Variants in ADAMTS6 observed in about 807,000 individuals in gnomAD.
ADAMTS6 encodes A disintegrin and metalloproteinase with thrombospondin motifs 6.
A neutral mutation model predicts 144.3 loss-of-function variants in ADAMTS6; 23 were observed. The observed-to-expected ratio is 0.16, with a 90% CI of 0.11 to 0.23. ADAMTS6 has a LOEUF of 0.23. Among genes scored for constraint, ADAMTS6 ranks in the 10% least tolerant of loss-of-function variants. The pLI is 1.00. For synonymous variants in ADAMTS6, 444 were observed against 457.5 expected, an observed-to-expected ratio of 0.97 and a Z score of 0.38; for missense variants, 999 against 1,379.6, an observed-to-expected ratio of 0.72 and a Z score of 4.37.
chr5:65,320,994 A>G (rs1580386179), intron 9 of ADAMTS6, among the ~76,000 whole-genome samples: 1 of 152,124 alleles, frequency 6.6e-6, no homozygotes, highest in Non-Finnish European at 1.5e-5. Flanking sequence ...TATTGTGCAT[A>G]GGGCTGCAAT....
intron 7 of ADAMTS6, among the ~76,000 whole-genome samples, chr5:65,437,836 C>T (rs1757560949): frequency 6.6e-6 from 1 of 151,854 alleles, no homozygotes; most frequent in African/African-American, 2.4e-5. Context: ...CGGGTTTTTC[C>T]ATGGAATATT....
chr5:65,290,138 C>T (rs933440396), intron 11 of ADAMTS6, among the ~76,000 whole-genome samples: 2 of 152,118 alleles, frequency 1.3e-5, no homozygotes, highest in Admixed American at 1.3e-4. Context: ...TTTAAGAAAA[C>T]ACTTCCTTTT....
At chr5:65,255,576 A>G (rs190170782) in intron 14 of ADAMTS6, among the ~76,000 whole-genome samples, 201 of 152,334 alleles carry the variant, frequency 1.3e-3, no homozygotes, top group Middle Eastern at 3.4e-3. Context: ...AATACTTCAG[A>G]AACAACACTG....
intron 20 of ADAMTS6, chr5:65,198,706 C>T (rs1286904152): frequency 1.2e-5 from 2 of 166,746 alleles, no homozygotes; most frequent in Non-Finnish European, 2.9e-5. Flanking sequence ...TTTATGTTTT[C>T]CTAAACTTAG....
intron 7 of ADAMTS6, among the ~76,000 whole-genome samples, chr5:65,441,261 A>G (rs1229270961): frequency 6.6e-6 from 1 of 152,212 alleles, no homozygotes; most frequent in Non-Finnish European, 1.5e-5. Flanking sequence ...CCTTGAAGAC[A>G]TAGCAATAGA....
intron 15 of ADAMTS6, among the ~76,000 whole-genome samples, chr5:65,227,775 T>G: frequency 6.6e-6 from 1 of 152,182 alleles, no homozygotes; most frequent in East Asian, 1.9e-4. Context: ...CAAGAGAAGA[T>G]GAAAACTTAA....
At chr5:65,177,716 G>T (rs1754066358) in intron 22 of ADAMTS6, among the ~76,000 whole-genome samples, 1 of 152,202 alleles carries the variant, frequency 6.6e-6, no homozygotes, top group Admixed American at 6.5e-5. Flanking sequence ...ATTAAAACAG[G>T]ATACCAAGAT....
In ADAMTS6 at chr5:65,273,447, C is replaced by T. The variant is rs865937965; in HGVS notation, c.1513G>A (p.Glu505Lys). ...GATSRQCKYG[E>K]VCRELWCLSK... ...AGACACCAGAGCTCTCTACACACTT[C>T]CTAGGAAAGAAGGCAAAAGCAAGTT... Residue 505 changes from glutamate to lysine, a missense_variant and splice_region_variant, in exon 12 of 25, where the codon GAA (glutamate) becomes AAA (lysine). Transcript: ENST00000381055. 6.2e-7 allele frequency: 1 copy of T among 1,611,872 alleles called. No homozygotes were observed. The highest frequency in any genetic ancestry group is 8.5e-7 in the Non-Finnish European group (1 of 1,178,278).
intron 9 of ADAMTS6, among the ~76,000 whole-genome samples, chr5:65,327,524 C>T (rs756990756): frequency 6.6e-6 from 1 of 151,644 alleles, no homozygotes; most frequent in Non-Finnish European, 1.5e-5. Flanking sequence ...ATTTTTAACA[C>T]TCATACTTTC....
At position 65,376,685 on chromosome 5, in the gene ADAMTS6, G is replaced by T. The variant is rs570296621; in HGVS notation, c.1074-42600C>A. On this transcript the variant is annotated intron_variant, in intron 7 of 24. Coordinates refer to ENST00000381055, the MANE Select transcript of ADAMTS6 (RefSeq NM_197941.4). ...ATCTCCACAAAAAATACAAAAATTA[G>T]CCAGGCATGGTGACATGTACATGTG... 2.0e-5 allele frequency among the ~76,000 whole-genome samples: 3 copies of T among 151,974 alleles called. No homozygotes were observed. In the South Asian group the frequency reaches 6.2e-4, roughly 32 times the overall value.
chr5:65,443,622 CAAAAAAAAAAAAA>C (rs59240974), intron 7 of ADAMTS6, among the ~76,000 whole-genome samples: 6 of 69,122 alleles, frequency 8.7e-5, no homozygotes, highest in Admixed American at 5.5e-4. Context: ...GACCCTGTCT[CAAAAAAAAAAAAA>C]AAAAAAAAAA....
intron 4 of ADAMTS6, among the ~76,000 whole-genome samples, chr5:65,454,648 A>G (rs1355867154): frequency 6.6e-6 from 1 of 152,230 alleles, no homozygotes; most frequent in Admixed American, 6.5e-5. Flanking sequence ...ATATTAGTAC[A>G]TGATTATGTT....
intron 7 of ADAMTS6, among the ~76,000 whole-genome samples, chr5:65,408,823 C>T (rs1405587048): frequency 6.6e-6 from 1 of 152,118 alleles, no homozygotes; most frequent in Non-Finnish European, 1.5e-5. Context: ...TGCAATCAAA[C>T]TAGAACTCAG....
chr5:65,353,640 TACTC>T (rs1484579781), intron 7 of ADAMTS6, among the ~76,000 whole-genome samples: 1 of 151,990 alleles, frequency 6.6e-6, no homozygotes, highest in Non-Finnish European at 1.5e-5. Flanking sequence ...ACTGTGATGT[TACTC>T]ACAAATTCTA....
chr5:65,459,330 C>G (rs570966251), intron 4 of ADAMTS6, among the ~76,000 whole-genome samples: 1 of 152,274 alleles, frequency 6.6e-6, no homozygotes, highest in South Asian at 2.1e-4. Flanking sequence ...TAAATCCTTT[C>G]AGTGGGTTTC....
Position 65,415,492 on chromosome 5 carries a change from C to T in ADAMTS6, c.1073+35983G>A, listed in dbSNP as rs1250944038. The T allele has an allele frequency of 7.9e-5, 18 of 229,074 alleles. No individual in the cohort carries two copies. In the East Asian group the frequency reaches 2.6e-3, roughly 33 times the overall value. The allele number at this position is 229,074 out of a possible 1,614,324, so 14.2% of individuals were successfully genotyped here. A position where few individuals can be genotyped will look rare whatever the true frequency, so the allele number is the denominator to read the frequency against. Reference sequence around the variant, plus strand: ...CAGGGCCAGGGCTGAAGCCACGGAGCTCACAGAGGCAAGGCCTTGGACTAG... The same window carrying T: ...CAGGGCCAGGGCTGAAGCCACGGAGTTCACAGAGGCAAGGCCTTGGACTAG... On this transcript the variant is annotated intron_variant, in intron 7 of 24. Coordinates refer to ENST00000381055, the MANE Select transcript of ADAMTS6 (RefSeq NM_197941.4).
chr5:65,252,460 C>T (rs1361658229), intron 14 of ADAMTS6, among the ~76,000 whole-genome samples: 1 of 151,848 alleles, frequency 6.6e-6, no homozygotes, highest in Non-Finnish European at 1.5e-5. Context: ...CCAGGCTGGT[C>T]TTGAACTCCT....
At position 65,242,151 on chromosome 5, in the gene ADAMTS6, T is replaced by C. The variant is rs755432860; in HGVS notation, c.1886A>G (p.Asn629Ser). 2 of 1,604,308 alleles carry C rather than the reference T, an allele frequency of 1.2e-6. No homozygotes were observed. The highest frequency in any genetic ancestry group is 2.2e-5 in the East Asian group (1 of 44,708). The stretch of plus-strand genomic sequence containing the variant: ...ATAATACTTTCCTCGGAAAGGCATA[T>C]TGTCAAAGTCTGCACACTGTTTCTC... ...FREKQCADFDNMPFRGKYYNW... is the reference protein window; with the variant it reads ...FREKQCADFDSMPFRGKYYNW... The change falls in exon 15 of 25, where the codon AAT becomes AGT. Residue 629 changes from asparagine (N) to serine (S), a missense_variant. By Grantham distance (46) the Asn-to-Ser change is conservative. Around this residue, in one of 3 missense-constraint regions of ADAMTS6, gnomAD observed 619 missense variants for 837.0 expected, o/e 0.74. Transcript: ENST00000381055.
At chr5:65,324,415 A>C (rs1050633677) in intron 9 of ADAMTS6, among the ~76,000 whole-genome samples, 20 of 152,128 alleles carry the variant, frequency 1.3e-4, no homozygotes, top group Non-Finnish European at 8.8e-5. Flanking sequence ...CAGAAGAAAA[A>C]TTTTAAGTTA....
Sources: gnomAD v4.1 joint callset for allele counts (sites outside exome capture counted in the v4.1 genomes callset) on GRCh38, gnomAD v4.1.1 for gene constraint, gnomAD v4.1.1 regional missense constraint, MANE v1.5 for transcripts, NCBI Gene and HGNC (gene_info 2026-07-23, HGNC 2026-07-21) for gene names.